Variants in BABAM2 observed in about 807,000 individuals in gnomAD.
BABAM2 encodes the protein BRISC and BRCA1-A complex member 2.
In BABAM2, 31 loss-of-function variants were observed where a neutral mutation model predicts 54.7. The ratio of observed to expected loss-of-function variants is 0.57; its 90% CI spans 0.43 to 0.77. BABAM2 has a LOEUF of 0.77. Among genes scored for constraint, BABAM2 ranks in the 30% least tolerant of loss-of-function variants. The probability of loss-of-function intolerance (pLI) is 0.00; values close to 1 mark genes in which losing one functional copy is unlikely to be tolerated. For missense variants in BABAM2, 364 were observed against 455.8 expected (o/e 0.80, Z 1.83); for synonymous variants, 167 against 162.9 (o/e 1.03, Z -0.19).
intron 6 of BABAM2, among the ~76,000 whole-genome samples, chr2:28,094,619 A>G (rs1005511858): frequency 6.6e-6 from 1 of 152,048 alleles, no homozygotes; most frequent in African/African-American, 2.4e-5. Flanking sequence ...GTTAGATAAT[A>G]TTTTTATATG....
At chr2:28,186,680 A>G (rs944108502) in intron 7 of BABAM2, among the ~76,000 whole-genome samples, 2 of 152,250 alleles carry the variant, frequency 1.3e-5, no homozygotes, top group South Asian at 4.1e-4. Flanking sequence ...AAGGAAAGAA[A>G]GAAGGAGAAA....
In BABAM2 at chr2:28,208,029, C is replaced by CTGTG. The variant is rs4043353; in HGVS notation, c.681-29139_681-29136dup. Among the ~76,000 whole-genome samples the CTGTG allele has an allele frequency of 4.3e-3, 646 of 149,822 alleles. 7 individuals carry two copies. Among genetic ancestry groups the CTGTG allele is most frequent in the African/African-American group, 0.015 (620 of 40,926 alleles). ...TTGTGAGGGAGGAGGGTGTTAAAGG[C>CTGTG]TGTGTGTGTGTGTGTGTGTGTGTGT... On this transcript the variant is annotated intron_variant, in intron 7 of 11. Transcript: ENST00000379624.
intron 11 of BABAM2, among the ~76,000 whole-genome samples, chr2:28,335,157 T>C (rs1474977393): frequency 5.2e-4 from 1 of 1,908 alleles, no homozygotes; most frequent in Non-Finnish European, 4.0e-3. Context: ...CCACCTTCTT[T>C]TTTTTTTTTT....
At chr2:28,298,647 T>C (rs1204887024) in intron 11 of BABAM2, among the ~76,000 whole-genome samples, 156 bp downstream of exon 11, 3 of 152,244 alleles carry the variant, frequency 2.0e-5, no homozygotes, top group Non-Finnish European at 4.4e-5. Context: ...TCTTTACTTA[T>C]TATCTGTGGC....
chr2:28,338,659 G>T lies in BABAM2; in HGVS notation c.*146G>T. The T allele has an allele frequency of 1.1e-6, 1 of 897,428 alleles. No homozygotes were observed. The highest frequency in any genetic ancestry group is 1.7e-6 in the Non-Finnish European group (1 of 575,828). 55.6% of individuals were successfully genotyped at this position (897,428 alleles called of 1,614,324 possible). A position where few individuals can be genotyped will look rare whatever the true frequency, so the allele number is the denominator to read the frequency against. ...GCTTTTGCACGCCCCAGGCAGCCCC[G>T]ACTGCTGAAATCCAACTTGAGCTGG... On this transcript the variant is annotated 3_prime_UTR_variant, in exon 12 of 12. Transcript: ENST00000379624.
rs569751545 is a variant in BABAM2, at chr2:28,025,355, A to G, written c.430A>G (p.Thr144Ala). Reference protein sequence around the residue: ...ESSRLMFEYQTLLEEPQYGEN... With the variant: ...ESSRLMFEYQALLEEPQYGEN... Reference sequence around the variant, plus strand: ...CTCCCGCCTCATGTTTGAATACCAGACATTACTGGAGGAGCCACAGTATGG... The same window carrying G: ...CTCCCGCCTCATGTTTGAATACCAGGCATTACTGGAGGAGCCACAGTATGG... The change falls in exon 5 of 12, where the codon ACA becomes GCA. Residue 144 changes from threonine (T) to alanine (A), a missense_variant. By Grantham distance (58) the Thr-to-Ala change is moderately conservative (BLOSUM62 0). Coordinates refer to ENST00000379624, the MANE Select transcript of BABAM2 (RefSeq NM_199191.3). 9 of 1,612,606 alleles carry G rather than the reference A, an allele frequency of 5.6e-6. No homozygotes were observed. In the Admixed American group the frequency reaches 1.0e-4, roughly 18 times the overall value.
At chr2:27,925,177 TAA>T (rs1667598567) in intron 2 of BABAM2, among the ~76,000 whole-genome samples, 1 of 152,218 alleles carries the variant, frequency 6.6e-6, no homozygotes, top group South Asian at 2.1e-4. Context: ...TCCAATATCA[TAA>T]AACACAAAGG....
chr2:27,934,310 T>G (rs907602462), intron 3 of BABAM2, among the ~76,000 whole-genome samples: 6 of 152,252 alleles, frequency 3.9e-5, no homozygotes, highest in African/African-American at 1.4e-4. Context: ...GATTGTTGAC[T>G]CTTGAATGTT....
At chr2:27,917,271 C>T (rs1472742157) in intron 2 of BABAM2, among the ~76,000 whole-genome samples, 1 of 152,170 alleles carries the variant, frequency 6.6e-6, no homozygotes, top group East Asian at 1.9e-4. Flanking sequence ...CCGCCTCATC[C>T]TCCCAAAATG....
At chr2:28,109,743 T>A (rs916709761) in intron 6 of BABAM2, among the ~76,000 whole-genome samples, 16 of 152,184 alleles carry the variant, frequency 1.1e-4, no homozygotes, top group Admixed American at 5.9e-4. Context: ...ACGTGACCAG[T>A]ATGAAAAGTA....
At chr2:28,267,885 A>ATCTC (rs1274531957) in intron 10 of BABAM2, among the ~76,000 whole-genome samples, 3 of 152,270 alleles carry the variant, frequency 2.0e-5, no homozygotes, top group Non-Finnish European at 4.4e-5. Context: ...TCATGGCAGT[A>ATCTC]TCTCTAGTTG....
At chr2:28,023,107 A>G (rs932206125) in intron 4 of BABAM2, among the ~76,000 whole-genome samples, 1 of 152,224 alleles carries the variant, frequency 6.6e-6, no homozygotes, top group Non-Finnish European at 1.5e-5. Context: ...TTATATTTTA[A>G]TGGAAGGAGA....
At position 28,093,889 on chromosome 2, in the gene BABAM2, A is replaced by C. The variant is rs116332958; in HGVS notation, c.571-35382A>C. On this transcript the variant is annotated intron_variant, in intron 6 of 11. Coordinates refer to ENST00000379624, the MANE Select transcript of BABAM2 (RefSeq NM_199191.3). ...GTGAAATATTTGGACCAAACGTAAGAATCAAACATTAATGCTGCTGACAGA... is the reference window on the plus strand; with the variant it reads ...GTGAAATATTTGGACCAAACGTAAGCATCAAACATTAATGCTGCTGACAGA... Among the ~76,000 whole-genome samples, 499 of 152,306 alleles carry C rather than the reference A, an allele frequency of 3.3e-3. 2 individuals carry two copies. The highest frequency in any genetic ancestry group is 0.011 in the African/African-American group (478 of 41,566).
intron 5 of BABAM2, among the ~76,000 whole-genome samples, chr2:28,026,940 ATATATATT>A (rs1675864977): frequency 1.2e-4 from 1 of 8,132 alleles, no homozygotes; most frequent in Non-Finnish European, 1.4e-3. Context: ...ATATATATAA[ATATATATT>A]AATATATATA....
At chr2:28,317,676 G>A (rs1689679148) in intron 11 of BABAM2, among the ~76,000 whole-genome samples, 1 of 152,202 alleles carries the variant, frequency 6.6e-6, no homozygotes, top group Admixed American at 6.5e-5. Flanking sequence ...CTCAGCCCTG[G>A]ATGAGAGGGC....
chr2:27,896,088 C>T (rs994079567), intron 2 of BABAM2: 1 of 151,840 alleles, frequency 6.6e-6, no homozygotes, highest in African/African-American at 2.4e-5. Context: ...TCACTGGACT[C>T]TGGGATTTGT....
intron 6 of BABAM2, among the ~76,000 whole-genome samples, chr2:28,068,423 T>C (rs6547824): frequency 1 from 151,793 of 152,316 alleles, 75,640 homozygotes; most frequent in Middle Eastern, 1. Flanking sequence ...ACTGAGTTTA[T>C]AACTCTGTGG....
intron 7 of BABAM2, among the ~76,000 whole-genome samples, chr2:28,141,850 T>TG (rs905869950): frequency 2.0e-5 from 3 of 152,168 alleles, no homozygotes; most frequent in Admixed American, 6.5e-5. Flanking sequence ...TCAATGTGGA[T>TG]GGGGGGTATG....
At chr2:28,170,802 T>C (rs1178079256) in intron 7 of BABAM2, among the ~76,000 whole-genome samples, 1 of 152,184 alleles carries the variant, frequency 6.6e-6, no homozygotes, top group African/African-American at 2.4e-5. Flanking sequence ...GAAAAGAATT[T>C]AACTTTGCAA....
Sources: allele counts gnomAD v4.1 joint callset (sites outside exome capture counted in the v4.1 genomes callset), GRCh38; gene constraint gnomAD v4.1.1; transcripts MANE v1.5; gene names NCBI Gene and HGNC (gene_info 2026-07-23, HGNC 2026-07-21).